The following CAMTA1 variants were observed in gnomAD, a reference collection of about 807,000 sequenced individuals.
CAMTA1 encodes calmodulin binding transcription activator 1.
In CAMTA1, 27 loss-of-function variants were observed where a neutral mutation model predicts 170.9. The ratio of observed to expected loss-of-function variants is 0.16; its 90% confidence interval spans 0.12 to 0.22. The LOEUF is 0.22. Among genes scored for constraint, CAMTA1 ranks in the 10% least tolerant of loss-of-function variants. CAMTA1 has a pLI of 1.00. For missense variants in CAMTA1, 1,619 were observed against 2,217.2 expected, an observed-to-expected ratio of 0.73 and a Z score of 5.42; for synonymous variants, 833 against 891.5, an observed-to-expected ratio of 0.93 and a Z score of 1.17.
At chr1:7,543,019 T>C (rs955845585) in intron 6 of CAMTA1, among the ~76,000 whole-genome samples, 18 of 152,182 alleles carry the variant, frequency 1.2e-4, no homozygotes, top group African/African-American at 3.9e-4. Context: ...CGCCCTCCAC[T>C]ACACCCGGCT....
Position 7,727,438 on chromosome 1 carries a change from T to G in CAMTA1, c.2915-5010T>G, listed in dbSNP as rs192291117. Among the ~76,000 whole-genome samples, 11 of 152,290 alleles carry G rather than the reference T, an allele frequency of 7.2e-5. No homozygotes were observed. In the East Asian group the frequency reaches 1.9e-3, roughly 27 times the overall value. On this transcript the variant is annotated intron_variant, in intron 11 of 22. Transcript: ENST00000303635. ...CGCCCAGCCTCTGCTTTGTATTAATTTAAAACTCCAGGTTTGTTCGGGCTG... is the reference window on the plus strand; with the variant it reads ...CGCCCAGCCTCTGCTTTGTATTAATGTAAAACTCCAGGTTTGTTCGGGCTG...
At chr1:7,052,915 G>A (rs1050641182) in intron 3 of CAMTA1, among the ~76,000 whole-genome samples, 5 of 152,050 alleles carry the variant, frequency 3.3e-5, no homozygotes, top group African/African-American at 1.2e-4. Context: ...TCCCCTCCCC[G>A]CACTCCTCGC....
chr1:6,857,406 TA>T (rs1662843623), intron 3 of CAMTA1, among the ~76,000 whole-genome samples: 1 of 152,170 alleles, frequency 6.6e-6, no homozygotes. Context: ...CTTGTTCAAT[TA>T]AAAAAGTAAA....
intron 5 of CAMTA1, among the ~76,000 whole-genome samples, chr1:7,288,353 T>A (rs1672644092): frequency 6.6e-6 from 1 of 152,202 alleles, no homozygotes; most frequent in Non-Finnish European, 1.5e-5. Context: ...CTTTGCATTG[T>A]GGTTATTTAA....
At chr1:7,428,170 A>G (rs1386226564) in intron 5 of CAMTA1, among the ~76,000 whole-genome samples, 1 of 152,098 alleles carries the variant, frequency 6.6e-6, no homozygotes, top group East Asian at 1.9e-4. Context: ...CAGACTCTGG[A>G]GAGCTATGGA....
chr1:7,458,860 C>T (rs902925219), intron 5 of CAMTA1, among the ~76,000 whole-genome samples: 6 of 152,226 alleles, frequency 3.9e-5, no homozygotes, highest in African/African-American at 1.4e-4. Flanking sequence ...CTGCTGTGAC[C>T]CAACCCTGGA....
rs1246190668 is a variant in CAMTA1 at position 7,281,928 on chromosome 1, T to C, written c.438+32302T>C. 2.0e-5 allele frequency among the ~76,000 whole-genome samples: 3 copies of C among 151,848 alleles called. No individual in the cohort carries two copies. In the East Asian group the frequency reaches 5.9e-4, roughly 30 times the overall value. ...CTGTTCTTTCCCATTGTGCCAGAAA[T>C]CCATGTTCCTCCGCTTCTTGGACCT... On this transcript the variant is annotated intron_variant, in intron 5 of 22. Coordinates refer to ENST00000303635, the MANE Select transcript of CAMTA1 (RefSeq NM_015215.4).
chr1:7,643,212 C>T (rs1212016138), intron 7 of CAMTA1, among the ~76,000 whole-genome samples: 1 of 152,190 alleles, frequency 6.6e-6, no homozygotes, highest in Non-Finnish European at 1.5e-5. Flanking sequence ...CTTCTGTCTG[C>T]TTCTTCTTAG....
chr1:7,216,689 T>G lies in CAMTA1; in HGVS notation c.303-32802T>G, dbSNP rs2149100855. Reference sequence around the variant, plus strand: ...CCACGCCTGGCTAATTTTTGTGTTTTTAGTAGAGATAGGGTTTTGTCATGT... The same window carrying G: ...CCACGCCTGGCTAATTTTTGTGTTTGTAGTAGAGATAGGGTTTTGTCATGT... On this transcript the variant is annotated intron_variant, in intron 4 of 22. Coordinates refer to ENST00000303635, the MANE Select transcript of CAMTA1 (RefSeq NM_015215.4). This position sits in a 1 kb window ranked among gnomAD's most constrained non-coding sequence, Gnocchi z 4.0. 6.6e-6 allele frequency among the ~76,000 whole-genome samples: 1 copy of G among 152,256 alleles called. No individual in the cohort carries two copies. Among genetic ancestry groups the G allele is most frequent in the Non-Finnish European group, 1.5e-5 (1 of 68,020 alleles).
At chr1:7,355,520 T>C (rs1240068328) in intron 5 of CAMTA1, among the ~76,000 whole-genome samples, 40 of 152,204 alleles carry the variant, frequency 2.6e-4, no homozygotes. Flanking sequence ...CAGCCAACCC[T>C]TACACCCCTA....
intron 6 of CAMTA1, among the ~76,000 whole-genome samples, chr1:7,578,398 C>T (rs542278913): frequency 2.6e-5 from 4 of 152,338 alleles, no homozygotes; most frequent in East Asian, 1.9e-4. Flanking sequence ...CCCCGCCAGG[C>T]TCTCACAGCA....
chr1:7,215,721 G>A (rs61780002), intron 4 of CAMTA1, among the ~76,000 whole-genome samples: 4,642 of 152,244 alleles, frequency 0.03, 90 homozygotes, highest in Non-Finnish European at 0.051. Flanking sequence ...ATGATCACAT[G>A]TACATTTTTG....
chr1:7,714,344 A>G (rs527563403), intron 11 of CAMTA1, among the ~76,000 whole-genome samples: 1 of 152,266 alleles, frequency 6.6e-6, no homozygotes, highest in African/African-American at 2.4e-5. Context: ...TGAATGGTCT[A>G]CCTTTAAGCC....
intron 5 of CAMTA1, among the ~76,000 whole-genome samples, chr1:7,310,703 T>TC (rs60955049): frequency 0.21 from 8,350 of 39,898 alleles, 834 homozygotes; most frequent in East Asian, 0.39. Context: ...TCTCTCTCTC[T>TC]TTCTTTCTTT....
rs113439901 is a variant in CAMTA1 at position 7,077,224 on chromosome 1, GT to G, written c.235-14060del. ...AGGCAGTTCTGGAATTTAAGGAAAGGTTTTTTTTTTTTTTTTTTTTGGATCC... is the reference window on the plus strand; with the variant it reads ...AGGCAGTTCTGGAATTTAAGGAAAGGTTTTTTTTTTTTTTTTTTTGGATCC... On this transcript the variant is annotated intron_variant, in intron 3 of 22. Coordinates refer to ENST00000303635, the MANE Select transcript of CAMTA1 (RefSeq NM_015215.4). Among the ~76,000 whole-genome samples, 545 of 118,602 alleles carry G rather than the reference GT, an allele frequency of 4.6e-3. 1 individual carries two copies. Among genetic ancestry groups the G allele is most frequent in the East Asian group, 0.03 (117 of 3,888 alleles). The allele number at this position is 118,602 out of a possible 152,430, so 77.8% of individuals were successfully genotyped here.
At position 7,563,394 on chromosome 1, in the gene CAMTA1, C is replaced by T. The variant is rs185781408; in HGVS notation, c.511-77006C>T. On this transcript the variant is annotated intron_variant, in intron 6 of 22. Coordinates refer to ENST00000303635, the MANE Select transcript of CAMTA1 (RefSeq NM_015215.4). ...GGGAGATGGTCAGGACTGAGACCTG[C>T]AGCACAGCAGGACCTGGGAGGTCAG... Among the ~76,000 whole-genome samples the T allele has an allele frequency of 1.8e-3, 267 of 152,310 alleles. 1 individual carries two copies. The highest frequency in any genetic ancestry group is 6.0e-3 in the African/African-American group (250 of 41,572).
At chr1:7,036,263 A>G (rs1404193489) in intron 3 of CAMTA1, among the ~76,000 whole-genome samples, 1 of 152,176 alleles carries the variant, frequency 6.6e-6, no homozygotes, top group African/African-American at 2.4e-5. Flanking sequence ...AGGTTTTGGA[A>G]AGCTTGAAGT....
intron 9 of CAMTA1, among the ~76,000 whole-genome samples, chr1:7,669,525 G>A (rs2096035666): frequency 6.6e-6 from 1 of 152,244 alleles, no homozygotes. Flanking sequence ...GGTTGGCACG[G>A]AGTTGGGGGG....
At position 7,689,493 on chromosome 1, in the gene CAMTA1, C is replaced by T. The variant is rs376954339; in HGVS notation, c.2914+11760C>T. On this transcript the variant is annotated intron_variant, in intron 11 of 22. Coordinates refer to ENST00000303635, the MANE Select transcript of CAMTA1 (RefSeq NM_015215.4). ...ACTCGGGAGGCTGAGGCAGGAGGAT[C>T]GCTTGAGCCCTGGAGGTTGAGGCTG... is the stretch of plus-strand genomic sequence containing the variant. Among the ~76,000 whole-genome samples the T allele has an allele frequency of 2.6e-4, 40 of 151,992 alleles. No homozygotes were observed. In the South Asian group the frequency reaches 5.4e-3, roughly 21 times the overall value.
Sources: gnomAD v4.1 joint callset for allele counts (sites outside exome capture counted in the v4.1 genomes callset) on GRCh38, gnomAD v4.1.1 for gene constraint, Gnocchi (gnomAD v3.1) non-coding constraint, MANE v1.5 for transcripts, NCBI Gene and HGNC (gene_info 2026-07-23, HGNC 2026-07-21) for gene names.